RIMBP2: variants seen among roughly 807,000 people sequenced by gnomAD.
RIMBP2 encodes the protein RIMS binding protein 2.
In RIMBP2, 48 loss-of-function variants were observed where a neutral mutation model predicts 118.6. The ratio of observed to expected loss-of-function variants is 0.40; its 90% CI spans 0.32 to 0.51. The LOEUF (loss-of-function observed/expected upper bound fraction) is 0.51, where lower values mean the gene tolerates loss of function less well. RIMBP2 is among the 20% of genes least tolerant of loss of function. The pLI is 0.41. For synonymous variants in RIMBP2, 762 were observed against 742.9 expected (o/e 1.03, Z -0.42); for missense variants, 1,551 against 1,768.3 (o/e 0.88, Z 2.20).
At chr12:130,638,093 C>T (rs980932585) in intron 1 of RIMBP2, among the ~76,000 whole-genome samples, 4 of 152,116 alleles carry the variant, frequency 2.6e-5, no homozygotes, top group African/African-American at 7.2e-5. Flanking sequence ...TTGTGAGTCA[C>T]GAAATTGGTG....
chr12:130,591,727 G>A (rs1048297869), intron 2 of RIMBP2, among the ~76,000 whole-genome samples: 5 of 152,254 alleles, frequency 3.3e-5, no homozygotes, highest in East Asian at 1.9e-4. Context: ...GCTCCAGGAC[G>A]ATCTCACCCA....
intron 4 of RIMBP2, among the ~76,000 whole-genome samples, chr12:130,479,372 A>G (rs1431814567): frequency 1.3e-5 from 2 of 152,208 alleles, no homozygotes; most frequent in Admixed American, 6.5e-5. Context: ...TCCTTTGTAT[A>G]TAACAGCAAA....
chr12:130,648,936 G>C (rs987594897), intron 1 of RIMBP2, among the ~76,000 whole-genome samples: 1 of 146,080 alleles, frequency 6.8e-6, no homozygotes, highest in Non-Finnish European at 1.6e-5. Flanking sequence ...GATTCCAGGC[G>C]TGAGCCGCCG....
intron 1 of RIMBP2, among the ~76,000 whole-genome samples, chr12:130,659,733 G>T (rs2063572556): frequency 6.6e-6 from 1 of 151,998 alleles, no homozygotes; most frequent in South Asian, 2.1e-4. Context: ...AGCATTTTGG[G>T]AGGCCAAGGT....
At chr12:130,490,123 C>CAAAAAAAAAAAAAAAAAAAAGAAAAAA in intron 4 of RIMBP2, among the ~76,000 whole-genome samples, 1 of 95,458 alleles carries the variant, frequency 1.0e-5, no homozygotes, top group Non-Finnish European at 2.1e-5. Flanking sequence ...GACTCTGTCT[C>CAAAAAAAAAAAAAAAAAAAAGAAAAAA]AAAAAAAAAA....
At position 130,577,536 on chromosome 12, in the gene RIMBP2, C is replaced by T. The variant is rs932123605; in HGVS notation, c.-217+50786G>A. 6.6e-5 allele frequency among the ~76,000 whole-genome samples: 10 copies of T among 152,088 alleles called. 1 individual carries two copies. The highest frequency in any genetic ancestry group is 6.6e-4 in the Admixed American group (10 of 15,266). On this transcript the variant is annotated intron_variant, in intron 2 of 22. Transcript: ENST00000690449. ...GAGGAAACCGCCATGTTTGAAACCA[C>T]CAGAGCTCATGAGAACTCCCTCACT...
At chr12:130,467,985 TA>T (rs1226772521) in intron 6 of RIMBP2, among the ~76,000 whole-genome samples, 1 of 152,200 alleles carries the variant, frequency 6.6e-6, no homozygotes, top group Non-Finnish European at 1.5e-5. Context: ...AGGCGCCCTC[TA>T]TTGTATCTGG....
At chr12:130,449,630 G>A (rs890959389) in intron 9 of RIMBP2, among the ~76,000 whole-genome samples, 2 of 152,078 alleles carry the variant, frequency 1.3e-5, no homozygotes, top group African/African-American at 2.4e-5. Flanking sequence ...ACGCACTCAT[G>A]GACCAACCCC....
intron 1 of RIMBP2, among the ~76,000 whole-genome samples, chr12:130,677,924 C>A (rs1445268292): frequency 6.6e-6 from 1 of 152,244 alleles, no homozygotes; most frequent in Non-Finnish European, 1.5e-5. Context: ...GGCCTGAAGG[C>A]CCCGCAGAAG....
intron 4 of RIMBP2, among the ~76,000 whole-genome samples, chr12:130,484,050 G>A (rs968308162): frequency 2.0e-5 from 3 of 152,172 alleles, no homozygotes; most frequent in African/African-American, 7.2e-5. Context: ...AATGTCCCAT[G>A]GGAAGGATAG....
intron 1 of RIMBP2, among the ~76,000 whole-genome samples, chr12:130,653,226 C>A (rs986387181): frequency 2.0e-5 from 3 of 152,202 alleles, no homozygotes; most frequent in Non-Finnish European, 4.4e-5. Context: ...CCTGTAAAAT[C>A]ACGTCGTTTA....
At chr12:130,684,555 G>A (rs577734357) in intron 1 of RIMBP2, among the ~76,000 whole-genome samples, 1 of 152,194 alleles carries the variant, frequency 6.6e-6, no homozygotes, top group Non-Finnish European at 1.5e-5. Context: ...GAGGTGAGGT[G>A]TTTCCAGGCT....
At chr12:130,672,798 T>C (rs1381972694) in intron 1 of RIMBP2, among the ~76,000 whole-genome samples, 1 of 152,206 alleles carries the variant, frequency 6.6e-6, no homozygotes, top group Non-Finnish European at 1.5e-5. Flanking sequence ...CTGTCAGAAA[T>C]TCAGCTTATG....
intron 1 of RIMBP2, among the ~76,000 whole-genome samples, chr12:130,640,661 G>A (rs1217222056): frequency 1.3e-5 from 2 of 152,146 alleles, no homozygotes; most frequent in African/African-American, 4.8e-5. Context: ...ACCACGGCCG[G>A]CCCAGAGGGC....
rs898193293 is a variant in RIMBP2 at position 130,456,396 on chromosome 12, C to T, written c.358+100G>A. Reference sequence around the variant, plus strand: ...CAGTGGCGGGTCCCTGTACCCTCTGCCAGGTGTCACCAAACCGATTTCACC... The same window carrying T: ...CAGTGGCGGGTCCCTGTACCCTCTGTCAGGTGTCACCAAACCGATTTCACC... On this transcript the variant is annotated intron_variant, in intron 7 of 22. Coordinates refer to ENST00000690449, the MANE Select transcript of RIMBP2 (RefSeq NM_001393629.1). The T allele has an allele frequency of 3.1e-5, 31 of 1,002,360 alleles. No homozygotes were observed. The Admixed American group carries it at 8.6e-4, about 28-fold the overall frequency. The allele number at this position is 1,002,360 out of a possible 1,614,324, so 62.1% of individuals were successfully genotyped here.
intron 1 of RIMBP2, among the ~76,000 whole-genome samples, chr12:130,654,369 A>G (rs898908088): frequency 1.3e-5 from 2 of 152,246 alleles, no homozygotes; most frequent in African/African-American, 2.4e-5. Flanking sequence ...ACACAGATAC[A>G]ATGCAGCCAG....
intron 11 of RIMBP2, among the ~76,000 whole-genome samples, chr12:130,439,829 G>GTGTGTA (rs74201510): frequency 0.59 from 64,531 of 109,314 alleles, 21,271 homozygotes; most frequent in East Asian, 0.97. Context: ...GTCTGTGTGT[G>GTGTGTA]TGTGTATGTG....
rs2074144414 is a variant in RIMBP2, at chr12:130,397,415, C to G, written c.4035G>C (p.Lys1345Asn). Residue 1345 changes from lysine to asparagine, a missense_variant, in exon 23 of 23, where the codon AAG becomes AAC. Lys to Asn is a moderately conservative substitution (Grantham distance 94, BLOSUM62 0). This residue lies in a region of RIMBP2 where 1,038 missense variants were observed against 1,125.1 expected (regional missense o/e 0.92). Transcript: ENST00000690449. ...RGREMSSKKK[K>N]GLLSKGKKLL... ...GTTTCTTGCCTTTGGAAAGCAGCCC[C>G]TTTTTCTTTTTCGAGGACATTTCCC... The G allele has an allele frequency of 2.5e-6, 1 of 398,956 alleles. No individual in the cohort carries two copies. The highest frequency in any genetic ancestry group is 1.3e-4 in the South Asian group (1 of 7,848). The allele number at this position is 398,956 out of a possible 1,614,324, so 24.7% of individuals were successfully genotyped here.
chr12:130,455,125 G>A (rs1046181900), intron 7 of RIMBP2, among the ~76,000 whole-genome samples: 2 of 152,232 alleles, frequency 1.3e-5, no homozygotes, highest in Admixed American at 6.5e-5. Flanking sequence ...GTTTCTTGTC[G>A]CACGGAGTGG....
Sources: allele counts gnomAD v4.1 joint callset (sites outside exome capture counted in the v4.1 genomes callset), GRCh38; gene constraint gnomAD v4.1.1; regional missense constraint gnomAD v4.1.1; transcripts MANE v1.5; gene names NCBI Gene and HGNC (gene_info 2026-07-23, HGNC 2026-07-21).